The following PPARGC1A variants were observed in gnomAD, a reference collection of about 807,000 sequenced individuals.
The protein encoded by PPARGC1A is peroxisome proliferator-activated receptor gamma coactivator 1-alpha.
A neutral mutation model predicts 88.7 loss-of-function variants in PPARGC1A; 25 were observed. The observed-to-expected ratio is 0.28, with a 90% CI of 0.21 to 0.39. The LOEUF (loss-of-function observed/expected upper bound fraction) is 0.39. PPARGC1A is among the 10% of genes least tolerant of loss of function. The probability of loss-of-function intolerance (pLI) is 1.00; values close to 1 mark genes in which losing one functional copy is unlikely to be tolerated. For synonymous variants in PPARGC1A, 363 were observed against 355.6 expected (o/e 1.02, Z -0.24); for missense variants, 880 against 968.7 (o/e 0.91, Z 1.22).
the PPARGC1A span, among the ~76,000 whole-genome samples, chr4:24,150,082 A>G: frequency 0.11 from 17,148 of 152,190 alleles, 2,972 homozygotes; most frequent in African/African-American, 0.37. Context: ...AACAAATTGT[A>G]CATTGAGATC....
At chr4:24,404,822 A>T in the PPARGC1A span, among the ~76,000 whole-genome samples, 1 of 152,210 alleles carries the variant, frequency 6.6e-6, no homozygotes, top group African/African-American at 2.4e-5. Flanking sequence ...TTATTTCTAA[A>T]TATTGTCAAA....
the PPARGC1A span, among the ~76,000 whole-genome samples, chr4:23,914,699 A>G: frequency 1.1e-4 from 16 of 143,350 alleles, no homozygotes; most frequent in Non-Finnish European, 2.3e-4. Flanking sequence ...CTTTCTTTCC[A>G]TGACTAACCA....
At chr4:24,327,622 A>G in the PPARGC1A span, among the ~76,000 whole-genome samples, 6 of 151,772 alleles carry the variant, frequency 4.0e-5, no homozygotes, top group Admixed American at 2.0e-4. Context: ...TAACAACCCC[A>G]CAATATCACC....
the PPARGC1A span, among the ~76,000 whole-genome samples, chr4:24,288,877 C>T: frequency 6.6e-6 from 1 of 152,120 alleles, no homozygotes; most frequent in Admixed American, 6.5e-5. Context: ...GTTACCAATG[C>T]TTTTTGCTGA....
the PPARGC1A span, among the ~76,000 whole-genome samples, chr4:24,166,727 G>C: frequency 6.6e-6 from 1 of 152,160 alleles, no homozygotes; most frequent in African/African-American, 2.4e-5. Flanking sequence ...ACAAAGCCTG[G>C]ATGACATCAT....
chr4:23,896,202 G>C (rs1427940403), intron 1 of PPARGC1A, among the ~76,000 whole-genome samples: 1 of 151,940 alleles, frequency 6.6e-6, no homozygotes, highest in African/African-American at 2.4e-5. Context: ...GGCTGACGAC[G>C]TTATAAGTAC....
the PPARGC1A span, among the ~76,000 whole-genome samples, chr4:23,958,421 AAT>A: frequency 3.0e-4 from 46 of 152,134 alleles, no homozygotes; most frequent in Non-Finnish European, 8.8e-5. Context: ...TCATAACAAA[AAT>A]AGATTTGAGC....
At chr4:23,816,185 G>T (rs1381124223) in intron 7 of PPARGC1A, among the ~76,000 whole-genome samples, 1 of 152,110 alleles carries the variant, frequency 6.6e-6, no homozygotes, top group Non-Finnish European at 1.5e-5. Flanking sequence ...ACAGAGAAAT[G>T]CAAACACAAA....
chr4:24,243,573 GGA>G, the PPARGC1A span, among the ~76,000 whole-genome samples: 5 of 152,330 alleles, frequency 3.3e-5, no homozygotes, highest in African/African-American at 9.6e-5. Context: ...CCCTCAGAAA[GGA>G]GAGTGTCATG....
At chr4:23,945,518 G>A in the PPARGC1A span, among the ~76,000 whole-genome samples, 1 of 152,158 alleles carries the variant, frequency 6.6e-6, no homozygotes, top group Non-Finnish European at 1.5e-5. Flanking sequence ...GAGCAGACAA[G>A]TGACCAGAAG....
Position 23,824,445 on chromosome 4 carries a change from A to G in PPARGC1A, c.803+18T>C, listed in dbSNP as rs889828358. ...CCCCCTTCCCTTTCAGAAAATGGTT[A>G]CATTTCTTAATACTTACTTTGGTGA... is the stretch of plus-strand genomic sequence containing the variant. On this transcript the variant is annotated intron_variant, in intron 6 of 12. Coordinates refer to ENST00000264867, the MANE Select transcript of PPARGC1A (RefSeq NM_013261.5). 6.2e-7 allele frequency: 1 copy of G among 1,608,814 alleles called. No individual in the cohort carries two copies. Among genetic ancestry groups the G allele is most frequent in the Non-Finnish European group, 8.5e-7 (1 of 1,175,326 alleles).
chr4:24,143,420 G>A, the PPARGC1A span, among the ~76,000 whole-genome samples: 2 of 152,194 alleles, frequency 1.3e-5, no homozygotes, highest in East Asian at 3.9e-4. Context: ...CAGTTTAGGA[G>A]ACAATGGTAA....
At chr4:24,444,373 C>A in the PPARGC1A span, among the ~76,000 whole-genome samples, 3 of 151,868 alleles carry the variant, frequency 2.0e-5, no homozygotes, top group African/African-American at 7.3e-5. Flanking sequence ...CACAGTCAGA[C>A]CTGTGTTTTA....
chr4:24,003,376 A>C, the PPARGC1A span, among the ~76,000 whole-genome samples: 1 of 152,332 alleles, frequency 6.6e-6, no homozygotes, highest in African/African-American at 2.4e-5. Context: ...ACAATACCTA[A>C]GGCCTAAAAA....
the PPARGC1A span, among the ~76,000 whole-genome samples, chr4:24,345,658 T>C: frequency 6.6e-6 from 1 of 152,196 alleles, no homozygotes; most frequent in Non-Finnish European, 1.5e-5. Flanking sequence ...TGAATTCTTT[T>C]ATTAGTTCTA....
the PPARGC1A span, among the ~76,000 whole-genome samples, chr4:24,370,059 A>C: frequency 6.6e-3 from 1,010 of 152,344 alleles, 15 homozygotes; most frequent in African/African-American, 0.022. Flanking sequence ...CTCTTTTAAC[A>C]AAGGAAAAAC....
upstream of PPARGC1A, among the ~76,000 whole-genome samples, chr4:23,904,433 G>A (rs915503296): frequency 3.9e-5 from 6 of 152,006 alleles, no homozygotes; most frequent in African/African-American, 1.4e-4. Flanking sequence ...ACTTTATCCC[G>A]GGAACCCATT....
the PPARGC1A span, among the ~76,000 whole-genome samples, chr4:24,066,817 G>GT: frequency 2.3e-5 from 3 of 127,954 alleles, no homozygotes; most frequent in African/African-American, 6.0e-5. Context: ...GACTTCCATG[G>GT]TTTTTTTGTT....
At chr4:24,066,849 G>GTTTTTTTTTTTTTTTTT in the PPARGC1A span, among the ~76,000 whole-genome samples, 27 of 100,858 alleles carry the variant, frequency 2.7e-4, no homozygotes, top group African/African-American at 2.9e-4. Context: ...TTTGTTTTGG[G>GTTTTTTTTTTTTTTTTT]TTTTTTTTTT....
Sources: gnomAD v4.1 joint callset for allele counts (sites outside exome capture counted in the v4.1 genomes callset) on GRCh38, gnomAD v4.1.1 for gene constraint, MANE v1.5 for transcripts, NCBI Gene and HGNC (gene_info 2026-07-23, HGNC 2026-07-21) for gene names.